BLK: variants seen among roughly 807,000 people sequenced by gnomAD.
BLK encodes tyrosine-protein kinase Blk.
A neutral mutation model predicts 61.8 loss-of-function variants in BLK; 64 were observed. That is an observed-to-expected ratio of 1.03 (90% CI 0.85 to 1.27). BLK has a LOEUF of 1.27. Among genes scored for constraint, BLK ranks in the 50% most tolerant of loss-of-function variants. The probability of loss-of-function intolerance (pLI) is 0.00; values close to 1 mark genes in which losing one functional copy is unlikely to be tolerated. For synonymous variants in BLK, 351 were observed against 272.0 expected (o/e 1.29, Z -2.86); for missense variants, 853 against 660.5 (o/e 1.29, Z -3.19).
chr8:11,505,287 C>T (rs6981777), intron 1 of BLK, among the ~76,000 whole-genome samples: 15,190 of 152,202 alleles, frequency 0.1, 2,203 homozygotes, highest in African/African-American at 0.32. Context: ...TCTTTCTATT[C>T]TTTCTACTGT....
chr8:11,535,308 G>GAAAGAA (rs1800085232), intron 1 of BLK, among the ~76,000 whole-genome samples: 1 of 142,456 alleles, frequency 7.0e-6, no homozygotes, highest in Non-Finnish European at 1.6e-5. Context: ...AAGAAAGAAA[G>GAAAGAA]AAAGAAAGAA....
At chr8:11,561,512 A>T (rs1801506938) in intron 11 of BLK, 60 bp downstream of exon 11, 2 of 1,584,972 alleles carry the variant, frequency 1.3e-6, no homozygotes, top group Admixed American at 3.6e-5. Context: ...AGCTCCTCAA[A>T]GCCGCCTTTA....
At chr8:11,561,275 T>C in intron 10 of BLK, 27 bp from the exon 11 acceptor site, 1 of 1,608,782 alleles carries the variant, frequency 6.2e-7, no homozygotes. Context: ...CCCCAGGCTG[T>C]CCTTCACCAT....
intron 10 of BLK, 183 bp from the exon 11 acceptor site, chr8:11,561,119 C>G (rs2117598927): frequency 1.2e-6 from 1 of 854,968 alleles, no homozygotes; most frequent in East Asian, 2.7e-5. Context: ...TGCTGCGTTG[C>G]TGTTCTGGGC....
chr8:11,495,929 T>A (rs1185442738), intron 1 of BLK, among the ~76,000 whole-genome samples: 1 of 152,224 alleles, frequency 6.6e-6, no homozygotes, highest in Non-Finnish European at 1.5e-5. Context: ...GTAATTTTTC[T>A]CCAAATCTAA....
At chr8:11,525,764 A>T (rs1349676691) in intron 1 of BLK, among the ~76,000 whole-genome samples, 1 of 152,130 alleles carries the variant, frequency 6.6e-6, no homozygotes, top group East Asian at 1.9e-4. Context: ...TTTTTCTCTG[A>T]GACAGAGTCT....
chr8:11,532,371 T>C (rs1799925343), intron 1 of BLK, among the ~76,000 whole-genome samples: 1 of 148,850 alleles, frequency 6.7e-6, no homozygotes, highest in East Asian at 2.0e-4. Flanking sequence ...GCTCATTTTT[T>C]TTTTTTTTTT....
At chr8:11,535,177 A>G (rs1016910908) in intron 1 of BLK, among the ~76,000 whole-genome samples, 1 of 145,932 alleles carries the variant, frequency 6.9e-6, no homozygotes. Context: ...AGACAGATGA[A>G]TGAAAGAAAG....
rs34744472 is a variant in BLK at position 11,556,931 on chromosome 8, CA to C, written c.952+95del. On this transcript the variant is annotated intron_variant, in intron 9 of 12. Coordinates refer to ENST00000259089, the MANE Select transcript of BLK (RefSeq NM_001715.3). ...GTCCGCTGCGGTGGGTTCACCAGGCCAGGGGGTCCTGCAGATCTAGGGCATG... is the reference window on the plus strand; with the variant it reads ...GTCCGCTGCGGTGGGTTCACCAGGCCGGGGGTCCTGCAGATCTAGGGCATG... The C allele has an allele frequency of 0.3, 415,470 of 1,373,968 alleles. 65,714 individuals are homozygous for C. The highest frequency in any genetic ancestry group is 0.34 in the African/African-American group (22,823 of 67,906). The allele number at this position is 1,373,968 out of a possible 1,614,324, so 85.1% of individuals were successfully genotyped here.
chr8:11,534,641 G>A (rs1563101673), intron 1 of BLK, among the ~76,000 whole-genome samples: 3 of 152,196 alleles, frequency 2.0e-5, no homozygotes, highest in Admixed American at 2.0e-4. Context: ...ACAATGGGGG[G>A]AGGTGAATTT....
intron 1 of BLK, among the ~76,000 whole-genome samples, chr8:11,497,293 G>A (rs1563414724): frequency 6.6e-6 from 1 of 152,146 alleles, no homozygotes; most frequent in African/African-American, 2.4e-5. Flanking sequence ...CCCACTGCCA[G>A]CCTGCTGCTA....
At chr8:11,562,933 G>C (rs769218398) in intron 11 of BLK, 46 bp from the exon 12 acceptor site, 1 of 1,612,672 alleles carries the variant, frequency 6.2e-7, no homozygotes, top group South Asian at 1.1e-5. Flanking sequence ...GGAGGGTAGG[G>C]GCCACCGGCC....
chr8:11,558,537 A>T (rs1409868809), intron 10 of BLK: 6 of 413,060 alleles, frequency 1.5e-5, no homozygotes, highest in Non-Finnish European at 2.9e-5. Flanking sequence ...CACAGATGCC[A>T]GGGACATGAC....
chr8:11,504,412 A>G (rs1052294081), intron 1 of BLK, among the ~76,000 whole-genome samples: 2 of 140,952 alleles, frequency 1.4e-5, no homozygotes, highest in East Asian at 2.0e-4. Flanking sequence ...AAAAGAAAAG[A>G]AAAAAAAAAG....
chr8:11,563,482 T>C (rs1333425384), intron 12 of BLK, among the ~76,000 whole-genome samples: 5 of 152,200 alleles, frequency 3.3e-5, no homozygotes, highest in Non-Finnish European at 7.3e-5. Flanking sequence ...GCCAGAATCG[T>C]GGACGACAGC....
chr8:11,531,541 A>G (rs1799886059), intron 1 of BLK, among the ~76,000 whole-genome samples: 2 of 152,234 alleles, frequency 1.3e-5, no homozygotes. Flanking sequence ...GGTTTTCAAC[A>G]ATACGATTAT....
chr8:11,556,692 G>C lies in BLK; in HGVS notation c.807G>C (p.Lys269Asn), dbSNP rs1393202889. The C allele has an allele frequency of 1.9e-6, 3 of 1,614,084 alleles. No individual in the cohort carries two copies. In the African/African-American group the frequency reaches 4.0e-5, roughly 22 times the overall value. ...AAAACAACATGAAGGTGGCCATTAA[G>C]ACGCTGAAGGAGGGAACCATGTCTC... ...YYKNNMKVAI[K>N]TLKEGTMSPE... is the part of the protein sequence containing the mutation. Residue 269 changes from lysine to asparagine, a missense_variant, in exon 9 of 13, where the codon AAG becomes AAC. By Grantham distance (94) the Lys-to-Asn change is moderately conservative. Coordinates refer to ENST00000259089, the MANE Select transcript of BLK (RefSeq NM_001715.3).
intron 12 of BLK, 80 bp from the exon 13 acceptor site, chr8:11,563,823 T>G: frequency 1.4e-6 from 2 of 1,388,980 alleles, no homozygotes; most frequent in Non-Finnish European, 9.9e-7. Flanking sequence ...GGGCCCACTG[T>G]GCCCCGCGGG....
At chr8:11,533,442 C>T (rs1799975078) in intron 1 of BLK, among the ~76,000 whole-genome samples, 1 of 152,016 alleles carries the variant, frequency 6.6e-6, no homozygotes, top group Admixed American at 6.6e-5. Context: ...ATGTCCAGGG[C>T]CTTTTAAGAG....
Sources: allele counts gnomAD v4.1 joint callset (sites outside exome capture counted in the v4.1 genomes callset), GRCh38; gene constraint gnomAD v4.1.1; transcripts MANE v1.5; gene names NCBI Gene and HGNC (gene_info 2026-07-23, HGNC 2026-07-21).